The following SYT1 variants were observed in gnomAD, a reference collection of about 807,000 sequenced individuals.
SYT1 encodes the protein synaptotagmin-1.
A neutral mutation model predicts 44.8 loss-of-function variants in SYT1; 8 were observed. That is an observed-to-expected ratio of 0.18 (90% confidence interval 0.10 to 0.32). SYT1 has a LOEUF of 0.32. SYT1 is among the 10% of genes least tolerant of loss of function. The pLI is 1.00. For synonymous variants in SYT1, 154 were observed against 188.8 expected, an observed-to-expected ratio of 0.82 and a Z score of 1.51; for missense variants, 286 against 509.3, an observed-to-expected ratio of 0.56 and a Z score of 4.22.
intron 1 of SYT1, among the ~76,000 whole-genome samples, chr12:78,940,035 A>T (rs1195811564): frequency 6.6e-6 from 1 of 152,118 alleles, no homozygotes; most frequent in Admixed American, 6.6e-5. Flanking sequence ...TATATACATA[A>T]CTCTATAGTA....
At chr12:79,088,496 T>A (rs1216933212) in intron 3 of SYT1, among the ~76,000 whole-genome samples, 1 of 151,370 alleles carries the variant, frequency 6.6e-6, no homozygotes, top group African/African-American at 2.4e-5. Context: ...CAGAGCGGAG[T>A]GGCTGAGGAA....
intron 2 of SYT1, among the ~76,000 whole-genome samples, chr12:78,984,350 C>G (rs1869494032): frequency 1.3e-5 from 2 of 151,796 alleles, no homozygotes; most frequent in African/African-American, 4.8e-5. Context: ...GCACAAATAC[C>G]ACAATGTATT....
chr12:79,296,145 T>C lies in SYT1; in HGVS notation c.551T>C (p.Val184Ala). The change falls in exon 7 of 11, where the codon GTG (valine) becomes GCG (alanine). Residue 184 changes from valine (V) to alanine (A), a missense_variant. By Grantham distance (64) the Val-to-Ala change is moderately conservative. This residue lies in a region of SYT1 where 81 missense variants were observed against 164.9 expected (regional missense o/e 0.49). Coordinates refer to ENST00000261205, the MANE Select transcript of SYT1 (RefSeq NM_005639.3). ...MGGTSDPYVK[V>A]FLLPDKKKKF... ...GGCACATCTGATCCTTACGTGAAAGTGTTTCTGCTACCTGATAAGAAGAAG... is the reference window on the plus strand; with the variant it reads ...GGCACATCTGATCCTTACGTGAAAGCGTTTCTGCTACCTGATAAGAAGAAG... The C allele has an allele frequency of 6.2e-7, 1 of 1,614,120 alleles. No individual in the cohort carries two copies. Among genetic ancestry groups the C allele is most frequent in the South Asian group, 1.1e-5 (1 of 91,082 alleles).
chr12:79,352,378 C>T (rs1462775644), intron 8 of SYT1, among the ~76,000 whole-genome samples: 4 of 152,060 alleles, frequency 2.6e-5, no homozygotes, highest in African/African-American at 4.8e-5. Context: ...TAGCTCATTC[C>T]TATGTTAAAA....
chr12:79,043,385 CTTCT>C (rs1480212397), intron 2 of SYT1, among the ~76,000 whole-genome samples: 2 of 149,754 alleles, frequency 1.3e-5, no homozygotes, highest in African/African-American at 5.0e-5. Flanking sequence ...ATGTAATGGC[CTTCT>C]TTGTCTCTTT....
Position 79,410,547 on chromosome 12 carries a change from A to T in SYT1, c.929-33526A>T, listed in dbSNP as rs1868378657. On this transcript the variant is annotated intron_variant, in intron 9 of 10. Coordinates refer to ENST00000261205, the MANE Select transcript of SYT1 (RefSeq NM_005639.3). The stretch of plus-strand genomic sequence containing the variant: ...AAAAAAACAGAACGACAATAATAAC[A>T]ACAAAATAAAGCAGGTTATACAAGC... 2.0e-5 allele frequency among the ~76,000 whole-genome samples: 3 copies of T among 151,910 alleles called. No homozygotes were observed. The South Asian group carries it at 6.2e-4, about 32-fold the overall frequency.
At chr12:79,388,234 C>T (rs899083300) in intron 9 of SYT1, among the ~76,000 whole-genome samples, 2 of 152,274 alleles carry the variant, frequency 1.3e-5, no homozygotes, top group Non-Finnish European at 1.5e-5. Flanking sequence ...CTACAGTAGC[C>T]TTACAATAGT....
chr12:79,271,659 A>C (rs1878432730), intron 4 of SYT1, among the ~76,000 whole-genome samples: 2 of 152,188 alleles, frequency 1.3e-5, no homozygotes, highest in South Asian at 2.1e-4. Context: ...CACAATTTTT[A>C]ACTGCTCAAT....
chr12:79,031,289 T>C (rs1285468299), intron 2 of SYT1, among the ~76,000 whole-genome samples: 1 of 151,050 alleles, frequency 6.6e-6, no homozygotes, highest in Non-Finnish European at 1.5e-5. Context: ...GTAAATTTTA[T>C]TTTATGCCTT....
intron 3 of SYT1, among the ~76,000 whole-genome samples, chr12:79,173,038 G>A (rs1592817016): frequency 9.3e-6 from 1 of 107,280 alleles, no homozygotes; most frequent in African/African-American, 3.4e-5. Context: ...ATAAAATAAT[G>A]TGGCAGAAAA....
chr12:79,299,501 G>C lies in SYT1; in HGVS notation c.760G>C (p.Gly254Arg). 2 of 1,613,478 alleles carry C rather than the reference G, an allele frequency of 1.2e-6. No homozygotes were observed. The highest frequency in any genetic ancestry group is 1.7e-6 in the Non-Finnish European group (2 of 1,179,570). The change falls in exon 8 of 11, where the codon GGC (glycine) becomes CGC (arginine). Residue 254 changes from glycine to arginine, a missense_variant. By Grantham distance (125) the Gly-to-Arg change is moderately radical. Around this residue, in one of 6 missense-constraint regions of SYT1, gnomAD observed 81 missense variants for 164.9 expected, o/e 0.49. Coordinates refer to ENST00000261205, the MANE Select transcript of SYT1 (RefSeq NM_005639.3). Reference protein sequence around the residue: ...FKVPMNTVDFGHVTEEWRDLQ... With the variant: ...FKVPMNTVDFRHVTEEWRDLQ... ...AGTCCCTATGAACACAGTGGATTTTGGCCATGTAACTGAGGAATGGCGTGA... is the reference window on the plus strand; with the variant it reads ...AGTCCCTATGAACACAGTGGATTTTCGCCATGTAACTGAGGAATGGCGTGA...
At chr12:79,207,583 T>G (rs1874201591) in intron 3 of SYT1, among the ~76,000 whole-genome samples, 1 of 152,114 alleles carries the variant, frequency 6.6e-6, no homozygotes, top group East Asian at 1.9e-4. Context: ...TACTCATTGT[T>G]CAGCTCCCAC....
At chr12:78,931,234 A>AGAAAGAAAGAAAGAAG (rs1877662643) in intron 1 of SYT1, among the ~76,000 whole-genome samples, 3 of 51,418 alleles carry the variant, frequency 5.8e-5, no homozygotes, top group African/African-American at 2.2e-4. Context: ...AAAGAAAGAA[A>AGAAAGAAAGAAAGAAG]GAAAGAAGGA....
At chr12:78,929,218 G>A (rs1431884305) in intron 1 of SYT1, among the ~76,000 whole-genome samples, 4 of 151,168 alleles carry the variant, frequency 2.6e-5, no homozygotes, top group East Asian at 3.9e-4. Context: ...TCTAGCCAAC[G>A]TGGTGAAACT....
chr12:79,082,672 C>A (rs993875941), intron 3 of SYT1, among the ~76,000 whole-genome samples: 3 of 152,122 alleles, frequency 2.0e-5, no homozygotes, highest in Admixed American at 2.0e-4. Context: ...CTTGCTGTAT[C>A]TGAGCCAATC....
At chr12:78,908,158 G>C (rs959399025) in intron 1 of SYT1, among the ~76,000 whole-genome samples, 1 of 151,820 alleles carries the variant, frequency 6.6e-6, no homozygotes, top group Non-Finnish European at 1.5e-5. Context: ...ATCTGTCAAG[G>C]ATTCTTCACT....
intron 2 of SYT1, among the ~76,000 whole-genome samples, chr12:78,981,952 A>C (rs924199812): frequency 6.6e-6 from 1 of 152,112 alleles, no homozygotes; most frequent in Admixed American, 6.6e-5. Flanking sequence ...GAGGGCTAGG[A>C]GTGTGGATAA....
chr12:79,137,846 G>T (rs1225578054), intron 3 of SYT1, among the ~76,000 whole-genome samples: 1 of 152,070 alleles, frequency 6.6e-6, no homozygotes, highest in African/African-American at 2.4e-5. Context: ...ATGTATATGA[G>T]CCTGCTTTTG....
intron 4 of SYT1, among the ~76,000 whole-genome samples, chr12:79,279,281 T>C (rs1045101362): frequency 2.0e-5 from 3 of 151,900 alleles, no homozygotes; most frequent in Non-Finnish European, 4.4e-5. Context: ...CAACAGCACA[T>C]GAAAAAATTA....
Sources: gnomAD v4.1 joint callset for allele counts (sites outside exome capture counted in the v4.1 genomes callset) on GRCh38, gnomAD v4.1.1 for gene constraint, gnomAD v4.1.1 regional missense constraint, MANE v1.5 for transcripts, NCBI Gene and HGNC (gene_info 2026-07-23, HGNC 2026-07-21) for gene names.